Variants in SPEM3 observed in about 807,000 individuals in gnomAD.
SPEM3 encodes uncharacterized protein SPEM3.
chr17:7,431,282 T>A lies in SPEM3; in HGVS notation c.2111T>A (p.Leu704His). ...CCAGACCTCTACAAGAACCCAGGCC[T>A]TACCCAAGATCCAGGCCTCCACGAG... ...QNPDLYKNPG[L>H]TQDPGLHENP... Residue 704 changes from leucine to histidine, a missense_variant, in exon 3 of 3, where the codon CTT becomes CAT. Physicochemically the swap from Leu to His is moderately conservative, Grantham distance 99. Coordinates refer to ENST00000636696, the MANE Select transcript of SPEM3 (RefSeq NM_001364708.1). 2.5e-6 allele frequency: 1 copy of A among 398,476 alleles called. No individual in the cohort carries two copies. Among genetic ancestry groups the A allele is most frequent in the Non-Finnish European group, 4.4e-6 (1 of 226,046 alleles). 24.7% of individuals were successfully genotyped at this position (398,476 alleles called of 1,614,324 possible).
In SPEM3 at chr17:7,429,481, C is replaced by T. The variant is rs556911291; in HGVS notation, c.310C>T (p.Arg104Cys). The change falls in exon 3 of 3, where the codon CGC becomes TGC. Residue 104 changes from arginine (R) to cysteine (C), a missense_variant. By Grantham distance (180) the Arg-to-Cys change is radical. Transcript: ENST00000636696. This position sits in a 1 kb window ranked among gnomAD's most constrained non-coding sequence, Gnocchi z 4.9. ...TCCTCGCCCAGGCTTCCTGCTCAGG[C>T]GCGTTAACCACCTTGACTCCTGGAT... ...VHPRPGFLLRRVNHLDSWIPD... is the reference protein window; with the variant it reads ...VHPRPGFLLRCVNHLDSWIPD... 102 of 398,658 alleles carry T rather than the reference C, an allele frequency of 2.6e-4. No individual in the cohort carries two copies. Among genetic ancestry groups the T allele is most frequent in the African/African-American group, 2.0e-3 (95 of 48,714 alleles). 24.7% of individuals were successfully genotyped at this position (398,658 alleles called of 1,614,324 possible).
Position 7,429,588 on chromosome 17 carries a change from T to C in SPEM3, c.417T>C (p.Ser139=). 2.5e-6 allele frequency: 1 copy of C among 398,698 alleles called. No individual in the cohort carries two copies. The highest frequency in any genetic ancestry group is 4.4e-5 in the Admixed American group (1 of 22,730). 24.7% of individuals were successfully genotyped at this position (398,698 alleles called of 1,614,324 possible). A position where few individuals can be genotyped will look rare whatever the true frequency, so the allele number is the denominator to read the frequency against. ...GACATGCCGGCGTTCCCAGGGAGTC[T>C]GCACGGGGACTGTACAAGGCGGGGA... ...KCGHAGVPRE[S]ARGLYKAGMM... Residue 139 remains serine, a synonymous_variant, in exon 3 of 3, where the codon TCT becomes TCC. Transcript: ENST00000636696. This position sits in a 1 kb window ranked among gnomAD's most constrained non-coding sequence, Gnocchi z 4.9.
Position 7,429,917 on chromosome 17 carries a change from C to T in SPEM3, c.746C>T (p.Thr249Ile). The T allele has an allele frequency of 2.4e-6, 1 of 416,460 alleles. No individual in the cohort carries two copies. The highest frequency in any genetic ancestry group is 4.2e-6 in the Non-Finnish European group (1 of 237,296). 25.8% of individuals were successfully genotyped at this position (416,460 alleles called of 1,614,324 possible). The change falls in exon 3 of 3, where the codon ACC becomes ATC. Residue 249 changes from threonine to isoleucine, a missense_variant. Transcript: ENST00000636696. This position sits in a 1 kb window ranked among gnomAD's most constrained non-coding sequence, Gnocchi z 4.9. Reference sequence around the variant, plus strand: ...TCCTGGACCCACTCCAAAGCCCGCACCCCTGAGGGCACCCACTCCCAGGCC... The same window carrying T: ...TCCTGGACCCACTCCAAAGCCCGCATCCCTGAGGGCACCCACTCCCAGGCC... Reference protein sequence around the residue: ...AHSWTHSKARTPEGTHSQAQD... With the variant: ...AHSWTHSKARIPEGTHSQAQD...
chr17:7,432,536 C>T lies in SPEM3; in HGVS notation c.3365C>T (p.Pro1122Leu), dbSNP rs1003139330. The change falls in exon 3 of 3, where the codon CCT becomes CTT. Residue 1122 changes from proline (P) to leucine (L), a missense_variant. Physicochemically the swap from Pro to Leu is moderately conservative, Grantham distance 98. Coordinates refer to ENST00000636696, the MANE Select transcript of SPEM3 (RefSeq NM_001364708.1). This position sits in a 1 kb window ranked among gnomAD's most constrained non-coding sequence, Gnocchi z 4.1. ...HGAYRPVDTV[P>L]SGYQNYRQMS... ...GCGTACCGCCCTGTGGATACAGTTC[C>T]TTCAGGCTACCAGAACTATCGTCAG... is the stretch of plus-strand genomic sequence containing the variant. The T allele has an allele frequency of 1.1e-4, 42 of 398,578 alleles. No individual in the cohort carries two copies. Among genetic ancestry groups the T allele is most frequent in the African/African-American group, 8.2e-4 (40 of 48,650 alleles). 24.7% of individuals were successfully genotyped at this position (398,578 alleles called of 1,614,324 possible). A position where few individuals can be genotyped will look rare whatever the true frequency, so the allele number is the denominator to read the frequency against.
chr17:7,430,070 C>T lies in SPEM3; in HGVS notation c.899C>T (p.Thr300Met), dbSNP rs558173723. The T allele has an allele frequency of 9.7e-5, 40 of 414,032 alleles. No homozygotes were observed. The highest frequency in any genetic ancestry group is 1.4e-4 in the Non-Finnish European group (33 of 235,304). The allele number at this position is 414,032 out of a possible 1,614,324, so 25.6% of individuals were successfully genotyped here. ...GCCTCAGCTCACACTAAAGCCCATA[C>T]GTCAGCCCAGGCCCAAACCCACTCT... ...AKASAHTKAH[T>M]SAQAQTHSPP... Residue 300 changes from threonine to methionine, a missense_variant, in exon 3 of 3, where the codon ACG (threonine) becomes ATG (methionine). Transcript: ENST00000636696.
In SPEM3 at chr17:7,431,091, A is replaced by C. The variant is rs575749639; in HGVS notation, c.1920A>C (p.Gln640His). ...CTCCTCAGTCCATCCTCACTTCCCA[A>C]TTCCCCATCCCTTCCCTGTTCGCCA... Reference protein sequence around the residue: ...SKSPQSILTSQFPIPSLFATI... With the variant: ...SKSPQSILTSHFPIPSLFATI... The change falls in exon 3 of 3, where the codon CAA becomes CAC. Residue 640 changes from glutamine (Q) to histidine (H), a missense_variant. Transcript: ENST00000636696. 13 of 398,538 alleles carry C rather than the reference A, an allele frequency of 3.3e-5. No homozygotes were observed. Among genetic ancestry groups the C allele is most frequent in the Middle Eastern group, 6.3e-4 (1 of 1,590 alleles). 24.7% of individuals were successfully genotyped at this position (398,538 alleles called of 1,614,324 possible). A position where few individuals can be genotyped will look rare whatever the true frequency, so the allele number is the denominator to read the frequency against.
At position 7,430,720 on chromosome 17, in the gene SPEM3, G is replaced by C; in HGVS notation, c.1549G>C (p.Glu517Gln). 1 of 398,658 alleles carries C rather than the reference G, an allele frequency of 2.5e-6. No homozygotes were observed. The highest frequency in any genetic ancestry group is 4.4e-6 in the Non-Finnish European group (1 of 226,110). The allele number at this position is 398,658 out of a possible 1,614,324, so 24.7% of individuals were successfully genotyped here. A position where few individuals can be genotyped will look rare whatever the true frequency, so the allele number is the denominator to read the frequency against. Residue 517 changes from glutamate (E) to glutamine (Q), a missense_variant, in exon 3 of 3, where the codon GAG becomes CAG. Coordinates refer to ENST00000636696, the MANE Select transcript of SPEM3 (RefSeq NM_001364708.1). ...LPAGSILGYL[E>Q]LRNMEWKNSD... The stretch of plus-strand genomic sequence containing the variant: ...TGCAGGATCCATACTGGGCTACCTG[G>C]AGTTGAGGAATATGGAATGGAAGAA...
In SPEM3 at chr17:7,432,622, G is replaced by A. The variant is rs916336979; in HGVS notation, c.3451G>A (p.Gly1151Arg). ...SHCPGPGTQA[G>R]HVVFDARQRR... is the part of the protein sequence containing the mutation. ...CTGCCCTGGACCAGGCACCCAGGCA[G>A]GGCATGTGGTTTTTGATGCCCGTCA... Residue 1151 changes from glycine to arginine, a missense_variant, in exon 3 of 3, where the codon GGG becomes AGG. Transcript: ENST00000636696. This position sits in a 1 kb window ranked among gnomAD's most constrained non-coding sequence, Gnocchi z 4.1. The A allele has an allele frequency of 2.5e-6, 1 of 398,568 alleles. No individual in the cohort carries two copies. The highest frequency in any genetic ancestry group is 4.4e-6 in the Non-Finnish European group (1 of 226,096). The allele number at this position is 398,568 out of a possible 1,614,324, so 24.7% of individuals were successfully genotyped here. A position where few individuals can be genotyped will look rare whatever the true frequency, so the allele number is the denominator to read the frequency against.
Position 7,429,435 on chromosome 17 carries a change from A to G in SPEM3, c.264A>G (p.Ser88=), listed in dbSNP as rs1907754849. 2.5e-6 allele frequency: 1 copy of G among 398,468 alleles called. No individual in the cohort carries two copies. Among genetic ancestry groups the G allele is most frequent in the Admixed American group, 4.4e-5 (1 of 22,698 alleles). The allele number at this position is 398,468 out of a possible 1,614,324, so 24.7% of individuals were successfully genotyped here. A position where few individuals can be genotyped will look rare whatever the true frequency, so the allele number is the denominator to read the frequency against. The change falls in exon 3 of 3, where the codon TCA becomes TCG. Residue 88 remains serine, a synonymous_variant. Coordinates refer to ENST00000636696, the MANE Select transcript of SPEM3 (RefSeq NM_001364708.1). This position sits in a 1 kb window ranked among gnomAD's most constrained non-coding sequence, Gnocchi z 4.9. ...CSSVDPKNLC[S]KVSSRVHPRP... is the part of the protein sequence containing the mutation. Reference sequence around the variant, plus strand: ...CCGTGGATCCCAAGAACCTGTGCTCAAAAGTCTCTTCCCGCGTCCATCCTC... The same window carrying G: ...CCGTGGATCCCAAGAACCTGTGCTCGAAAGTCTCTTCCCGCGTCCATCCTC...
rs1907751546 is a variant in SPEM3 at position 7,429,331 on chromosome 17, A to T, written c.197-37A>T. The T allele has an allele frequency of 2.5e-6, 1 of 398,390 alleles. No homozygotes were observed. Among genetic ancestry groups the T allele is most frequent in the Non-Finnish European group, 4.4e-6 (1 of 226,012 alleles). The allele number at this position is 398,390 out of a possible 1,614,324, so 24.7% of individuals were successfully genotyped here. ...CTGGCCCAGTTCTTAGTCCCTAGGG[A>T]ACCCGGGCATTGTCCCCATCCTACC... On this transcript the variant is annotated intron_variant, in intron 2 of 2. Transcript: ENST00000636696. The surrounding 1 kb of genome is among the most constrained non-coding windows in gnomAD (Gnocchi z 4.9).
rs12943692 is a variant in SPEM3, at chr17:7,429,611, G to A, written c.440G>A (p.Gly147Glu). The A allele has an allele frequency of 0.1, 40,786 of 398,712 alleles. 2,666 individuals carry two copies. The highest frequency in any genetic ancestry group is 0.22 in the East Asian group (6,315 of 28,072). 24.7% of individuals were successfully genotyped at this position (398,712 alleles called of 1,614,324 possible). A position where few individuals can be genotyped will look rare whatever the true frequency, so the allele number is the denominator to read the frequency against. Reference protein sequence around the residue: ...RESARGLYKAGMMGGGEAPQV... With the variant: ...RESARGLYKAEMMGGGEAPQV... ...TCTGCACGGGGACTGTACAAGGCGG[G>A]GATGATGGGCGGGGGAGAAGCCCCT... is the stretch of plus-strand genomic sequence containing the variant. The change falls in exon 3 of 3, where the codon GGG becomes GAG. Residue 147 changes from glycine (G) to glutamate (E), a missense_variant. Coordinates refer to ENST00000636696, the MANE Select transcript of SPEM3 (RefSeq NM_001364708.1). This position sits in a 1 kb window ranked among gnomAD's most constrained non-coding sequence, Gnocchi z 4.9.
Position 7,432,808 on chromosome 17 carries a change from G to A in SPEM3, c.*46G>A. The A allele has an allele frequency of 2.5e-6, 1 of 398,256 alleles. No individual in the cohort carries two copies. The highest frequency in any genetic ancestry group is 4.4e-6 in the Non-Finnish European group (1 of 226,080). 24.7% of individuals were successfully genotyped at this position (398,256 alleles called of 1,614,324 possible). On this transcript the variant is annotated 3_prime_UTR_variant, in exon 3 of 3. Transcript: ENST00000636696. The surrounding 1 kb of genome is among the most constrained non-coding windows in gnomAD (Gnocchi z 4.1). ...GGGACAAAAGTGCATCAGGAATAAAGAGGCGAGAGAAATGTTCTGTGTTTG... is the reference window on the plus strand; with the variant it reads ...GGGACAAAAGTGCATCAGGAATAAAAAGGCGAGAGAAATGTTCTGTGTTTG...
rs1333721692 is a variant in SPEM3 at position 7,429,621 on chromosome 17, C to T, written c.450C>T (p.Gly150=). The T allele has an allele frequency of 3.0e-5, 12 of 398,646 alleles. No homozygotes were observed. Among genetic ancestry groups the T allele is most frequent in the East Asian group, 1.8e-4 (5 of 28,102 alleles). 24.7% of individuals were successfully genotyped at this position (398,646 alleles called of 1,614,324 possible). ...GACTGTACAAGGCGGGGATGATGGG[C>T]GGGGGAGAAGCCCCTCAGGTCACAG... is the stretch of plus-strand genomic sequence containing the variant. The part of the protein sequence containing the change: ...ARGLYKAGMM[G]GGEAPQVTAS... Residue 150 remains glycine, a synonymous_variant, in exon 3 of 3, where the codon GGC becomes GGT. Coordinates refer to ENST00000636696, the MANE Select transcript of SPEM3 (RefSeq NM_001364708.1). This position sits in a 1 kb window ranked among gnomAD's most constrained non-coding sequence, Gnocchi z 4.9.
At position 7,430,258 on chromosome 17, in the gene SPEM3, C is replaced by T. The variant is rs1290251135; in HGVS notation, c.1087C>T (p.His363Tyr). The part of the protein sequence containing the change: ...HAPAYIPDHS[H>Y]LVRSSVPVPT... ...CCCAGCGTATATCCCAGACCACTCT[C>T]ATCTAGTCCGCAGCTCCGTTCCTGT... Residue 363 changes from histidine (H) to tyrosine (Y), a missense_variant, in exon 3 of 3, where the codon CAT (histidine) becomes TAT (tyrosine). His to Tyr is a moderately conservative substitution (Grantham distance 83). Transcript: ENST00000636696. 2 of 410,902 alleles carry T rather than the reference C, an allele frequency of 4.9e-6. No homozygotes were observed. Among genetic ancestry groups the T allele is most frequent in the East Asian group, 7.1e-5 (2 of 28,140 alleles). 25.5% of individuals were successfully genotyped at this position (410,902 alleles called of 1,614,324 possible).
rs1907751317 is a variant in SPEM3 at position 7,429,323 on chromosome 17, C to T, written c.197-45C>T. 2.5e-6 allele frequency: 1 copy of T among 398,510 alleles called. No homozygotes were observed. The allele number at this position is 398,510 out of a possible 1,614,324, so 24.7% of individuals were successfully genotyped here. The stretch of plus-strand genomic sequence containing the variant: ...TCCTATCCCTGGCCCAGTTCTTAGT[C>T]CCTAGGGAACCCGGGCATTGTCCCC... On this transcript the variant is annotated intron_variant, in intron 2 of 2. Transcript: ENST00000636696. The surrounding 1 kb of genome is among the most constrained non-coding windows in gnomAD (Gnocchi z 4.9).
Position 7,429,547 on chromosome 17 carries a change from G to A in SPEM3, c.376G>A (p.Val126Met), listed in dbSNP as rs1257777080. The change falls in exon 3 of 3, where the codon GTG becomes ATG. Residue 126 changes from valine (V) to methionine (M), a missense_variant. Transcript: ENST00000636696. This position sits in a 1 kb window ranked among gnomAD's most constrained non-coding sequence, Gnocchi z 4.9. Reference sequence around the variant, plus strand: ...TGAGAAGGTTTCTGCGTGCTGCTGCGTGCCCCCTAAATGTGGACATGCCGG... The same window carrying A: ...TGAGAAGGTTTCTGCGTGCTGCTGCATGCCCCCTAAATGTGGACATGCCGG... ...NDEKVSACCC[V>M]PPKCGHAGVP... 1 of 398,664 alleles carries A rather than the reference G, an allele frequency of 2.5e-6. No homozygotes were observed. 24.7% of individuals were successfully genotyped at this position (398,664 alleles called of 1,614,324 possible).
chr17:7,430,851 C>A lies in SPEM3; in HGVS notation c.1680C>A (p.Tyr560Ter). The A allele has an allele frequency of 2.5e-6, 1 of 398,670 alleles. No individual in the cohort carries two copies. The highest frequency in any genetic ancestry group is 3.6e-5 in the East Asian group (1 of 28,074). The allele number at this position is 398,670 out of a possible 1,614,324, so 24.7% of individuals were successfully genotyped here. The change falls in exon 3 of 3, where the codon TAC becomes TAA. Residue 560 changes from tyrosine to a stop codon, truncating the protein, a stop_gained. Transcript: ENST00000636696. LOFTEE classifies it low-confidence loss of function (END_TRUNC). ...ACACAGACTCCCAGGCTCCATTCTA[C>A]CCCAAATTCCTTGCCTACTCCCGGG... ...EKNTDSQAPF[Y>*]PKFLAYSRDT...
chr17:7,430,404 C>A lies in SPEM3; in HGVS notation c.1233C>A (p.Ala411=). 2 of 408,388 alleles carry A rather than the reference C, an allele frequency of 4.9e-6. No homozygotes were observed. Among genetic ancestry groups the A allele is most frequent in the East Asian group, 3.5e-5 (1 of 28,186 alleles). 25.3% of individuals were successfully genotyped at this position (408,388 alleles called of 1,614,324 possible). ...GCCCTGCTCCAGCACTGGTCATGGCCCTGACTACCACTCCTGTCCCTGATC... is the reference window on the plus strand; with the variant it reads ...GCCCTGCTCCAGCACTGGTCATGGCACTGACTACCACTCCTGTCCCTGATC... The part of the protein sequence containing the change: ...APSPAPALVM[A]LTTTPVPDPV... The change falls in exon 3 of 3, where the codon GCC becomes GCA. Residue 411 remains alanine (A), a synonymous_variant. Transcript: ENST00000636696.
In SPEM3 at chr17:7,429,123, C is replaced by A; in HGVS notation, c.139-67C>A. The A allele has an allele frequency of 2.5e-6, 1 of 398,794 alleles. No individual in the cohort carries two copies. The highest frequency in any genetic ancestry group is 4.4e-6 in the Non-Finnish European group (1 of 226,198). 24.7% of individuals were successfully genotyped at this position (398,794 alleles called of 1,614,324 possible). ...AGGTGGGAGGGCTGTTGGGGTGTGGCCAGATAAGAGTTGGACTTAGGGGCT... is the reference window on the plus strand; with the variant it reads ...AGGTGGGAGGGCTGTTGGGGTGTGGACAGATAAGAGTTGGACTTAGGGGCT... On this transcript the variant is annotated intron_variant, in intron 1 of 2. Transcript: ENST00000636696. This position sits in a 1 kb window ranked among gnomAD's most constrained non-coding sequence, Gnocchi z 4.9.
Sources: allele counts gnomAD v4.1 joint callset, GRCh38; gene constraint gnomAD v4.1.1; non-coding constraint Gnocchi (gnomAD v3.1); transcripts MANE v1.5; gene names NCBI Gene and HGNC (gene_info 2026-07-23, HGNC 2026-07-21).